FHOD3: variants seen among roughly 807,000 people sequenced by gnomAD.
FHOD3 encodes the protein formin homology 2 domain containing 3.
FHOD3 carries 90 observed loss-of-function variants against 173.0 expected under a neutral mutation model. The ratio of observed to expected loss-of-function variants is 0.52; its 90% CI spans 0.44 to 0.62. The LOEUF (loss-of-function observed/expected upper bound fraction) is 0.62. Ranked by LOEUF, FHOD3 falls within the 20% of genes least tolerant of loss-of-function variation. FHOD3 has a pLI of 0.00. For synonymous variants in FHOD3, 828 were observed against 823.0 expected (o/e 1.01, Z -0.10); for missense variants, 1,945 against 2,034.7 (o/e 0.96, Z 0.85).
intron 3 of FHOD3, among the ~76,000 whole-genome samples, chr18:36,440,274 G>A (rs965471371): frequency 2.0e-5 from 3 of 152,194 alleles, no homozygotes; most frequent in South Asian, 2.1e-4. Flanking sequence ...AATGAGCACC[G>A]GCCCAGCTGT....
intron 10 of FHOD3, among the ~76,000 whole-genome samples, chr18:36,630,163 T>G (rs1338049387): frequency 6.6e-6 from 1 of 152,168 alleles, no homozygotes; most frequent in Non-Finnish European, 1.5e-5. Context: ...GCACCTACCT[T>G]AAATATTCAT....
At chr18:36,392,199 A>G (rs991805706) in intron 3 of FHOD3, among the ~76,000 whole-genome samples, 1 of 152,158 alleles carries the variant, frequency 6.6e-6, no homozygotes, top group African/African-American at 2.4e-5. Context: ...TGGGGGGTTA[A>G]ATGAGTGAAT....
At chr18:36,528,929 G>T (rs1267102601) in intron 5 of FHOD3, among the ~76,000 whole-genome samples, 1 of 152,084 alleles carries the variant, frequency 6.6e-6, no homozygotes, top group Non-Finnish European at 1.5e-5. Flanking sequence ...TCACTGCCCT[G>T]GGGGTGGGTT....
Position 36,779,206 on chromosome 18 carries a change from G to A in FHOD3, c.4787-242G>A, listed in dbSNP as rs550576371. 43 of 546,760 alleles carry A rather than the reference G, an allele frequency of 7.9e-5. No individual in the cohort carries two copies. The East Asian group carries it at 9.7e-4, about 12-fold the overall frequency. The allele number at this position is 546,760 out of a possible 1,614,324, so 33.9% of individuals were successfully genotyped here. ...TATAAGTGCCCGCATCACTCCTCTCGGCCCTCCAAATCAGCACCTGTGGCA... is the reference window on the plus strand; with the variant it reads ...TATAAGTGCCCGCATCACTCCTCTCAGCCCTCCAAATCAGCACCTGTGGCA... On this transcript the variant is annotated intron_variant, in intron 28 of 28. Transcript: ENST00000590592.
intron 17 of FHOD3, among the ~76,000 whole-genome samples, chr18:36,706,971 A>G (rs897074392): frequency 2.6e-5 from 4 of 152,156 alleles, no homozygotes; most frequent in Admixed American, 2.6e-4. Flanking sequence ...GGGGTTTTGT[A>G]TCTCTCCTAA....
At chr18:36,613,986 C>T (rs553520739) in intron 9 of FHOD3, among the ~76,000 whole-genome samples, 6 of 152,160 alleles carry the variant, frequency 3.9e-5, no homozygotes, top group East Asian at 1.9e-4. Context: ...GTTGTTTTTT[C>T]GTTTTGTTTT....
At chr18:36,655,932 C>T (rs532887723) in intron 13 of FHOD3, among the ~76,000 whole-genome samples, 1 of 152,320 alleles carries the variant, frequency 6.6e-6, no homozygotes, top group South Asian at 2.1e-4. Flanking sequence ...GTCATTTAAA[C>T]ACAATTTTAG....
At position 36,516,669 on chromosome 18, in the gene FHOD3, A is replaced by G. The variant is rs556136639; in HGVS notation, c.511+4126A>G. Among the ~76,000 whole-genome samples the G allele has an allele frequency of 1.2e-3, 177 of 152,352 alleles. 3 individuals carry two copies. Among genetic ancestry groups the G allele is most frequent in the African/African-American group, 4.0e-3 (168 of 41,584 alleles). The stretch of plus-strand genomic sequence containing the variant: ...TGAGGCCGGAGGATCACTTGAGCCT[A>G]GGAATTTGAGGTTACAGTGAGCTAT... On this transcript the variant is annotated intron_variant, in intron 5 of 28. Transcript: ENST00000590592.
At chr18:36,600,026 A>C (rs750404216) in intron 7 of FHOD3, among the ~76,000 whole-genome samples, 1 of 152,042 alleles carries the variant, frequency 6.6e-6, no homozygotes, top group Non-Finnish European at 1.5e-5. Context: ...ATTGTCTTCT[A>C]ATGTACTCCA....
At chr18:36,343,967 T>C (rs1481164871) in intron 1 of FHOD3, among the ~76,000 whole-genome samples, 2 of 152,146 alleles carry the variant, frequency 1.3e-5, no homozygotes, top group African/African-American at 4.8e-5. Flanking sequence ...GGGTTTGTGG[T>C]TTATTTTGGG....
At chr18:36,305,060 G>T (rs1339250961) in intron 1 of FHOD3, among the ~76,000 whole-genome samples, 2 of 152,116 alleles carry the variant, frequency 1.3e-5, no homozygotes, top group South Asian at 2.1e-4. Context: ...AGTCAACATT[G>T]ATTTTCTATG....
chr18:36,626,775 G>A (rs1263131605), intron 10 of FHOD3, among the ~76,000 whole-genome samples: 2 of 152,176 alleles, frequency 1.3e-5, no homozygotes, highest in Non-Finnish European at 2.9e-5. Context: ...GAATAAGTTG[G>A]ATGACCTTAA....
chr18:36,360,581 G>A (rs1011095339), intron 2 of FHOD3, among the ~76,000 whole-genome samples: 2 of 152,212 alleles, frequency 1.3e-5, no homozygotes, highest in African/African-American at 4.8e-5. Flanking sequence ...AGGGGTACAT[G>A]GGTCCTGCCA....
intron 2 of FHOD3, among the ~76,000 whole-genome samples, chr18:36,361,951 A>T (rs2046647304): frequency 1.3e-5 from 2 of 152,236 alleles, no homozygotes; most frequent in South Asian, 2.1e-4. Context: ...GGCATTCCTG[A>T]AAAGGCTGCA....
intron 19 of FHOD3, among the ~76,000 whole-genome samples, chr18:36,721,288 C>G (rs989692593): frequency 2.0e-5 from 3 of 152,170 alleles, no homozygotes; most frequent in Non-Finnish European, 2.9e-5. Flanking sequence ...GAAATGTGAA[C>G]AGGAGCTACT....
At chr18:36,376,676 TATGAG>T (rs2047453615) in intron 3 of FHOD3, among the ~76,000 whole-genome samples, 1 of 152,182 alleles carries the variant, frequency 6.6e-6, no homozygotes, top group African/African-American at 2.4e-5. Flanking sequence ...AAGAAAATGA[TATGAG>T]AGAAGGCCAC....
intron 10 of FHOD3, among the ~76,000 whole-genome samples, chr18:36,641,527 A>T (rs1441416550): frequency 1.3e-5 from 2 of 152,172 alleles, no homozygotes; most frequent in Admixed American, 6.5e-5. Flanking sequence ...CTTTTTGGGT[A>T]GCTTGGGCCC....
At chr18:36,600,482 T>C (rs1466373324) in intron 7 of FHOD3, among the ~76,000 whole-genome samples, 2 of 152,230 alleles carry the variant, frequency 1.3e-5, no homozygotes, top group Non-Finnish European at 2.9e-5. Flanking sequence ...ATTGTAAATA[T>C]TTCCGATTTT....
Position 36,435,040 on chromosome 18 carries a change from A to G in FHOD3, c.337+62296A>G, listed in dbSNP as rs1044310533. On this transcript the variant is annotated intron_variant, in intron 3 of 28. Transcript: ENST00000590592. ...TAGTTGAATATTATTTGGTCAATGT[A>G]TATTAATTTATTTGTAACCTTAATT... 2.0e-5 allele frequency among the ~76,000 whole-genome samples: 3 copies of G among 151,506 alleles called. No homozygotes were observed. In the East Asian group the frequency reaches 5.8e-4, roughly 29 times the overall value.
Sources: gnomAD v4.1 joint callset for allele counts (sites outside exome capture counted in the v4.1 genomes callset) on GRCh38, gnomAD v4.1.1 for gene constraint, MANE v1.5 for transcripts, NCBI Gene and HGNC (gene_info 2026-07-23, HGNC 2026-07-21) for gene names.